TTC17: variants seen among roughly 807,000 people sequenced by gnomAD.
TTC17 encodes the protein tetratricopeptide repeat protein 17.
In TTC17, 58 loss-of-function variants were observed where a neutral mutation model predicts 143.8. The ratio of observed to expected loss-of-function variants is 0.40; its 90% confidence interval spans 0.33 to 0.50. The LOEUF (loss-of-function observed/expected upper bound fraction) is 0.50. Among genes scored for constraint, TTC17 ranks in the 20% least tolerant of loss-of-function variants. TTC17 has a pLI of 0.49. For missense variants in TTC17, 1,273 were observed against 1,392.5 expected, an observed-to-expected ratio of 0.91 and a Z score of 1.37; for synonymous variants, 501 against 497.8, an observed-to-expected ratio of 1.01 and a Z score of -0.09.
chr11:43,431,434 G>A (rs1006134343), intron 16 of TTC17, among the ~76,000 whole-genome samples: 4 of 152,202 alleles, frequency 2.6e-5, no homozygotes, highest in Non-Finnish European at 4.4e-5. Context: ...TCCAGCATCT[G>A]TTGTTTCCTG....
At position 43,405,524 on chromosome 11, in the gene TTC17, A is replaced by G. The variant is rs200202316; in HGVS notation, c.1490A>G (p.His497Arg). Reference sequence around the variant, plus strand: ...TTGTTTCTTTATCAGGACAAACAGCATATTCTATGGCCTAAAAGAGCAGAT... The same window carrying G: ...TTGTTTCTTTATCAGGACAAACAGCGTATTCTATGGCCTAAAAGAGCAGAT... ...RDSDAYRDKQ[H>R]ILWPKRADCT... The change falls in exon 12 of 24, where the codon CAT (histidine) becomes CGT (arginine). Residue 497 changes from histidine to arginine, a missense_variant. Physicochemically the swap from His to Arg is conservative, Grantham distance 29. Around this residue, in one of 3 missense-constraint regions of TTC17, gnomAD observed 878 missense variants for 899.8 expected, o/e 0.98. Coordinates refer to ENST00000039989, the MANE Select transcript of TTC17 (RefSeq NM_018259.6). 9.9e-6 allele frequency: 16 copies of G among 1,613,702 alleles called. No individual in the cohort carries two copies. In the South Asian group the frequency reaches 1.6e-4, roughly 17 times the overall value.
At chr11:43,405,414 GT>G (rs1407477112) in intron 11 of TTC17, 99 bp from the exon 12 acceptor site, 5 of 857,534 alleles carry the variant, frequency 5.8e-6, no homozygotes, top group Non-Finnish European at 9.5e-6. Context: ...AGATATTATA[GT>G]TTTGTTCAAT....
intron 2 of TTC17, among the ~76,000 whole-genome samples, chr11:43,382,691 T>C (rs1379049367): frequency 6.6e-6 from 1 of 152,116 alleles, no homozygotes; most frequent in Admixed American, 6.5e-5. Context: ...TGAGAAGAGA[T>C]TTATAGGCTT....
At chr11:43,379,134 A>G (rs1389124212) in intron 1 of TTC17, 99 bp from the exon 2 acceptor site, 5 of 1,097,708 alleles carry the variant, frequency 4.6e-6, no homozygotes, top group African/African-American at 3.1e-5. Flanking sequence ...GCTGATTACA[A>G]TGGCGAATGA....
At chr11:43,377,020 C>T (rs80337616) in intron 1 of TTC17, among the ~76,000 whole-genome samples, 20,834 of 152,124 alleles carry the variant, frequency 0.14, 3,775 homozygotes, top group African/African-American at 0.42. Context: ...TTAGGTTGGG[C>T]GTGGTGGCTC....
chr11:43,409,436 G>T (rs1858301573), intron 15 of TTC17, among the ~76,000 whole-genome samples: 1 of 152,142 alleles, frequency 6.6e-6, no homozygotes, highest in African/African-American at 2.4e-5. Context: ...CATGAATAAG[G>T]TCTAAAAATA....
chr11:43,423,388 C>G (rs1398583513), intron 16 of TTC17, among the ~76,000 whole-genome samples: 1 of 152,078 alleles, frequency 6.6e-6, no homozygotes, highest in Non-Finnish European at 1.5e-5. Flanking sequence ...CCTCTGATTC[C>G]CTCAGAATGT....
chr11:43,463,971 A>G (rs763855242), intron 21 of TTC17, among the ~76,000 whole-genome samples: 68 of 152,322 alleles, frequency 4.5e-4, no homozygotes, highest in Non-Finnish European at 8.4e-4. Flanking sequence ...TAAATAGGGG[A>G]AAAGATAAAA....
chr11:43,494,013 CTA>C lies in TTC17; in HGVS notation c.*110_*111del. On this transcript the variant is annotated 3_prime_UTR_variant, in exon 24 of 24. Transcript: ENST00000039989. ...CTATTAATGATGTGTGTGAAAATAA[CTA>C]AGACTTATAACAGGACTTTTACATA... 7.2e-7 allele frequency: 1 copy of C among 1,382,462 alleles called. No individual in the cohort carries two copies. Among genetic ancestry groups the C allele is most frequent in the East Asian group, 2.4e-5 (1 of 41,110 alleles). The allele number at this position is 1,382,462 out of a possible 1,614,324, so 85.6% of individuals were successfully genotyped here. A position where few individuals can be genotyped will look rare whatever the true frequency, so the allele number is the denominator to read the frequency against.
intron 23 of TTC17, among the ~76,000 whole-genome samples, chr11:43,493,379 C>A (rs936028228): frequency 1.3e-5 from 2 of 152,164 alleles, no homozygotes; most frequent in Non-Finnish European, 2.9e-5. Context: ...AGGCACGGTT[C>A]TGGAGGTTTC....
rs553384339 is a variant in TTC17 at position 43,417,493 on chromosome 11, A to T, written c.2251+2717A>T. Among the ~76,000 whole-genome samples, 189 of 152,260 alleles carry T rather than the reference A, an allele frequency of 1.2e-3. 1 individual carries two copies. The highest frequency in any genetic ancestry group is 4.2e-3 in the African/African-American group (175 of 41,556). The stretch of plus-strand genomic sequence containing the variant: ...TGACAAGGCTTACGATTCTTTTTCC[A>T]TGTAATAGTCATGGAATTCATGAGA... On this transcript the variant is annotated intron_variant, in intron 16 of 23. Transcript: ENST00000039989.
intron 16 of TTC17, among the ~76,000 whole-genome samples, chr11:43,423,283 A>G (rs1330351171): frequency 6.6e-6 from 1 of 152,222 alleles, no homozygotes; most frequent in Admixed American, 6.5e-5. Context: ...ATAGACGTCA[A>G]TGTTGTTAAG....
In TTC17 at chr11:43,379,357, CT is replaced by C. The variant is rs766152328; in HGVS notation, c.249+37del. ...CTGGGCATGTGAGATGCAGCTGATGCTTGTTGCATTTCACAGGAGCCATTGT... is the reference window on the plus strand; with the variant it reads ...CTGGGCATGTGAGATGCAGCTGATGCTGTTGCATTTCACAGGAGCCATTGT... On this transcript the variant is annotated intron_variant, in intron 2 of 23. Transcript: ENST00000039989. 4.5e-5 allele frequency: 69 copies of C among 1,542,438 alleles called. No individual in the cohort carries two copies. The African/African-American group carries it at 8.8e-4, about 20-fold the overall frequency.
chr11:43,363,931 A>G (rs1054637776), intron 1 of TTC17, among the ~76,000 whole-genome samples: 3 of 152,198 alleles, frequency 2.0e-5, no homozygotes, highest in Non-Finnish European at 4.4e-5. Flanking sequence ...TTTTGTGGTA[A>G]CTTAAGATTC....
At chr11:43,459,787 A>G (rs1012660603) in intron 21 of TTC17, among the ~76,000 whole-genome samples, 9 of 152,220 alleles carry the variant, frequency 5.9e-5, no homozygotes, top group African/African-American at 1.4e-4. Flanking sequence ...CAACCATTCT[A>G]TTTTTTACAT....
At chr11:43,431,431 T>C (rs1590407585) in intron 16 of TTC17, among the ~76,000 whole-genome samples, 1 of 152,190 alleles carries the variant, frequency 6.6e-6, no homozygotes, top group Non-Finnish European at 1.5e-5. Flanking sequence ...CTCTCCAGCA[T>C]CTGTTGTTTC....
At chr11:43,435,733 A>G (rs1379324554) in intron 16 of TTC17, among the ~76,000 whole-genome samples, 1 of 152,140 alleles carries the variant, frequency 6.6e-6, no homozygotes, top group African/African-American at 2.4e-5. Context: ...GGTATATCTC[A>G]TTTTAAGCCA....
intron 22 of TTC17, 39 bp downstream of exon 22, chr11:43,490,397 G>A (rs1211352368): frequency 5.7e-6 from 9 of 1,566,004 alleles, no homozygotes; most frequent in Non-Finnish European, 7.8e-6. Context: ...CTGCCCCTTT[G>A]TCCTTTCCAT....
chr11:43,450,529 G>C (rs1420156778), intron 20 of TTC17, among the ~76,000 whole-genome samples: 1 of 152,122 alleles, frequency 6.6e-6, no homozygotes. Flanking sequence ...AAATGTATGG[G>C]GCAGTTAATT....
Sources: gnomAD v4.1 joint callset for allele counts (sites outside exome capture counted in the v4.1 genomes callset) on GRCh38, gnomAD v4.1.1 for gene constraint, gnomAD v4.1.1 regional missense constraint, MANE v1.5 for transcripts, NCBI Gene and HGNC (gene_info 2026-07-23, HGNC 2026-07-21) for gene names.